The following PLCB1 variants were observed in gnomAD, a reference collection of about 807,000 sequenced individuals.
PLCB1 encodes the protein 1-phosphatidylinositol 4,5-bisphosphate phosphodiesterase beta-1.
Under a neutral mutation model 161.8 loss-of-function variants are expected in PLCB1, and 46 were observed. That is an observed-to-expected ratio of 0.28 (90% confidence interval 0.22 to 0.36). PLCB1 has a LOEUF of 0.36. Ranked by LOEUF, PLCB1 falls within the 10% of genes least tolerant of loss-of-function variation. PLCB1 has a pLI of 1.00. For synonymous variants in PLCB1, 517 were observed against 503.7 expected (o/e 1.03, Z -0.35); for missense variants, 1,016 against 1,472.5 (o/e 0.69, Z 5.07).
chr20:8,404,933 T>C (rs776527938), intron 3 of PLCB1, among the ~76,000 whole-genome samples: 37 of 152,208 alleles, frequency 2.4e-4, no homozygotes, highest in Non-Finnish European at 4.9e-4. Flanking sequence ...GCAATATTTT[T>C]CTCTCAACCC....
intron 24 of PLCB1, among the ~76,000 whole-genome samples, chr20:8,758,203 G>T (rs1440937384): frequency 6.7e-6 from 1 of 149,416 alleles, no homozygotes; most frequent in Non-Finnish European, 1.5e-5. Flanking sequence ...TCTTTTAAGG[G>T]TATTTCTCAT....
chr20:8,162,285 A>G (rs919707750), intron 2 of PLCB1, among the ~76,000 whole-genome samples: 3 of 152,180 alleles, frequency 2.0e-5, no homozygotes, highest in Non-Finnish European at 4.4e-5. Context: ...TCCATACTTA[A>G]TTAAATTAGC....
At chr20:8,660,012 G>T (rs1400437549) in intron 9 of PLCB1, among the ~76,000 whole-genome samples, 1 of 145,888 alleles carries the variant, frequency 6.9e-6, no homozygotes, top group East Asian at 2.0e-4. Context: ...AAAAAAAGAA[G>T]AAGAAGAAGT....
chr20:8,794,939 C>G (rs925468548), intron 31 of PLCB1, among the ~76,000 whole-genome samples: 17 of 152,168 alleles, frequency 1.1e-4, no homozygotes, highest in Non-Finnish European at 2.1e-4. Context: ...CACATGAAAC[C>G]TCATTCAAAG....
intron 20 of PLCB1, among the ~76,000 whole-genome samples, chr20:8,737,499 CAAAG>C (rs957903247): frequency 6.6e-6 from 1 of 151,970 alleles, no homozygotes; most frequent in African/African-American, 2.4e-5. Context: ...AATTATAACT[CAAAG>C]AAGTAGAGTG....
chr20:8,174,066 G>T (rs919989272), intron 2 of PLCB1, among the ~76,000 whole-genome samples: 6 of 152,106 alleles, frequency 3.9e-5, no homozygotes, highest in African/African-American at 1.4e-4. Context: ...GGGGAATTGG[G>T]CTGAGGAATA....
chr20:8,270,554 A>C (rs6077340), intron 2 of PLCB1, among the ~76,000 whole-genome samples: 31,450 of 152,064 alleles, frequency 0.21, 3,878 homozygotes, highest in Non-Finnish European at 0.28. Context: ...TCAGTTAATG[A>C]GGAGAAACTA....
At chr20:8,627,901 A>G (rs972340621) in intron 3 of PLCB1, among the ~76,000 whole-genome samples, 9 of 152,228 alleles carry the variant, frequency 5.9e-5, no homozygotes, top group African/African-American at 2.2e-4. Flanking sequence ...AGGCATTGTC[A>G]TATTTTAATT....
chr20:8,366,627 A>C (rs1041383874), intron 2 of PLCB1, among the ~76,000 whole-genome samples: 17 of 152,198 alleles, frequency 1.1e-4, no homozygotes, highest in African/African-American at 4.1e-4. Flanking sequence ...CCATGCTGTT[A>C]ATTCATTTTT....
At chr20:8,398,563 C>A (rs1978392242) in intron 3 of PLCB1, among the ~76,000 whole-genome samples, 1 of 152,136 alleles carries the variant, frequency 6.6e-6, no homozygotes, top group Non-Finnish European at 1.5e-5. Context: ...TAGGGGAAAG[C>A]AGAGAGAGGG....
rs2719798 is a variant in PLCB1, at chr20:8,387,379, A to T, written c.246+15929A>T. ...AGAAAAGGGTGGCCCCAGGAGAGGGAGAAAGATAAGGGAACAGCTGGCCAA... is the reference window on the plus strand; with the variant it reads ...AGAAAAGGGTGGCCCCAGGAGAGGGTGAAAGATAAGGGAACAGCTGGCCAA... On this transcript the variant is annotated intron_variant, in intron 3 of 31. Coordinates refer to ENST00000338037, the MANE Select transcript of PLCB1 (RefSeq NM_015192.4). Among the ~76,000 whole-genome samples the T allele has an allele frequency of 8.5e-5, 13 of 152,126 alleles. No individual in the cohort carries two copies. In the South Asian group the frequency reaches 2.5e-3, roughly 29 times the overall value.
chr20:8,180,479 G>A (rs6055601), intron 2 of PLCB1, among the ~76,000 whole-genome samples: 30,087 of 151,978 alleles, frequency 0.2, 3,364 homozygotes, highest in African/African-American at 0.31. Flanking sequence ...GAATGAGTTA[G>A]GCAGAAGACC....
At chr20:8,853,674 A>C (rs189047825) in intron 31 of PLCB1, among the ~76,000 whole-genome samples, 6 of 152,338 alleles carry the variant, frequency 3.9e-5, no homozygotes, top group Admixed American at 2.6e-4. Context: ...AAAAAATGCC[A>C]GGGTTAAGGG....
intron 6 of PLCB1, 140 bp downstream of exon 6, chr20:8,648,093 T>G: frequency 1.8e-6 from 1 of 563,248 alleles, no homozygotes; most frequent in Non-Finnish European, 3.1e-6. Context: ...CTCACACATG[T>G]CTCATGTCAG....
intron 2 of PLCB1, among the ~76,000 whole-genome samples, chr20:8,218,695 A>T (rs955821131): frequency 5.5e-4 from 83 of 151,796 alleles, no homozygotes; most frequent in African/African-American, 1.9e-3. Flanking sequence ...AGAGAGCATG[A>T]ATTAGTCGGT....
chr20:8,324,590 C>G (rs1379945698), intron 2 of PLCB1, among the ~76,000 whole-genome samples: 1 of 152,070 alleles, frequency 6.6e-6, no homozygotes, highest in Non-Finnish European at 1.5e-5. Flanking sequence ...CTCCAAGGGT[C>G]CTTGGAACCT....
chr20:8,877,622 C>T (rs1361215789), intron 31 of PLCB1, among the ~76,000 whole-genome samples: 1 of 152,170 alleles, frequency 6.6e-6, no homozygotes, highest in African/African-American at 2.4e-5. Context: ...TCTGAGTTTG[C>T]AACCCTTGGG....
intron 2 of PLCB1, among the ~76,000 whole-genome samples, chr20:8,198,190 T>G (rs1226603434): frequency 6.6e-6 from 1 of 152,216 alleles, no homozygotes; most frequent in Admixed American, 6.5e-5. Flanking sequence ...TTTCCAATTC[T>G]GTGAAGAAAG....
intron 2 of PLCB1, among the ~76,000 whole-genome samples, chr20:8,160,211 A>G (rs2051608560): frequency 6.6e-6 from 1 of 152,148 alleles, no homozygotes; most frequent in African/African-American, 2.4e-5. Context: ...TATCATTATC[A>G]GCATTTTTGT....
Sources: gnomAD v4.1 joint callset for allele counts (sites outside exome capture counted in the v4.1 genomes callset) on GRCh38, gnomAD v4.1.1 for gene constraint, MANE v1.5 for transcripts, NCBI Gene and HGNC (gene_info 2026-07-23, HGNC 2026-07-21) for gene names.